The following EEFSEC variants were observed in gnomAD, a reference collection of about 807,000 sequenced individuals.
EEFSEC encodes selenocysteine-specific elongation factor.
EEFSEC carries 43 observed loss-of-function variants against 42.1 expected under a neutral mutation model. The observed-to-expected ratio is 1.02, with a 90% confidence interval of 0.80 to 1.32. EEFSEC has a LOEUF of 1.32. EEFSEC is among the 40% of genes most tolerant of loss of function. EEFSEC has a pLI of 0.00. For synonymous variants in EEFSEC, 354 were observed against 339.1 expected (o/e 1.04, Z -0.48); for missense variants, 745 against 803.6 (o/e 0.93, Z 0.88).
intron 4 of EEFSEC, among the ~76,000 whole-genome samples, chr3:128,331,792 C>G (rs1486309492): frequency 6.6e-6 from 1 of 152,082 alleles, no homozygotes; most frequent in Non-Finnish European, 1.5e-5. Context: ...ATTTAAAGGC[C>G]TGCAGCCTCA....
intron 6 of EEFSEC, among the ~76,000 whole-genome samples, chr3:128,368,326 G>A (rs531706354): frequency 7.2e-5 from 11 of 152,144 alleles, no homozygotes; most frequent in African/African-American, 1.2e-4. Flanking sequence ...CCAGCTACTC[G>A]GGAGGCTGAG....
At chr3:128,219,435 G>A (rs1042264678) in intron 1 of EEFSEC, among the ~76,000 whole-genome samples, 3 of 152,092 alleles carry the variant, frequency 2.0e-5, no homozygotes, top group Non-Finnish European at 4.4e-5. Flanking sequence ...CCCCCATTTG[G>A]CTTGCTGTCT....
intron 1 of EEFSEC, among the ~76,000 whole-genome samples, chr3:128,223,783 T>G (rs2065882904): frequency 6.6e-6 from 1 of 152,212 alleles, no homozygotes; most frequent in Non-Finnish European, 1.5e-5. Flanking sequence ...TGTGCCCATG[T>G]GCGTGCATGT....
At chr3:128,417,221 C>G in the EEFSEC span, among the ~76,000 whole-genome samples, 1 of 152,100 alleles carries the variant, frequency 6.6e-6, no homozygotes, top group Non-Finnish European at 1.5e-5. The surrounding 1 kb of genome is among the most constrained non-coding windows in gnomAD (Gnocchi z 4.3). Context: ...TGTTGTAAAC[C>G]CTCTCGCCCG....
At chr3:128,185,123 G>A (rs1457917047) in intron 1 of EEFSEC, among the ~76,000 whole-genome samples, 3 of 152,176 alleles carry the variant, frequency 2.0e-5, no homozygotes, top group Non-Finnish European at 4.4e-5. Context: ...GTTTTTTGGA[G>A]TTTGGATGCA....
chr3:128,175,402 G>C (rs1168952523), intron 1 of EEFSEC, among the ~76,000 whole-genome samples: 1 of 152,254 alleles, frequency 6.6e-6, no homozygotes, highest in Non-Finnish European at 1.5e-5. Context: ...CCAGCGTGCA[G>C]CAGTCCTACT....
At chr3:128,349,530 C>A (rs1421923122) in intron 5 of EEFSEC, among the ~76,000 whole-genome samples, 1 of 152,184 alleles carries the variant, frequency 6.6e-6, no homozygotes, top group African/African-American at 2.4e-5. Flanking sequence ...GTGCTTAGGA[C>A]AGTGAGTGCT....
At chr3:128,168,677 AG>A (rs1325644578) in intron 1 of EEFSEC, among the ~76,000 whole-genome samples, 1 of 152,248 alleles carries the variant, frequency 6.6e-6, no homozygotes, top group Non-Finnish European at 1.5e-5. Context: ...TCACAGTCAT[AG>A]GCCCCCTGGG....
intron 6 of EEFSEC, among the ~76,000 whole-genome samples, chr3:128,379,824 T>C (rs1016291557): frequency 5.3e-5 from 8 of 152,302 alleles, no homozygotes; most frequent in Middle Eastern, 3.4e-3. Flanking sequence ...CCAGATGAGG[T>C]TGGGTCCCGT....
At chr3:128,342,015 G>A (rs2067261418) in intron 5 of EEFSEC, 126 bp downstream of exon 5, 1 of 1,317,036 alleles carries the variant, frequency 7.6e-7, no homozygotes, top group Admixed American at 2.7e-5. Flanking sequence ...AACCTCTGTA[G>A]TTTCTGTACA....
intron 1 of EEFSEC, among the ~76,000 whole-genome samples, chr3:128,155,157 C>G (rs1672527226): frequency 6.6e-6 from 1 of 151,936 alleles, no homozygotes; most frequent in Non-Finnish European, 1.5e-5. Context: ...GCTCTGTTAC[C>G]AGGCTGGAGT....
intron 4 of EEFSEC, among the ~76,000 whole-genome samples, chr3:128,314,919 C>T (rs1290194447): frequency 3.9e-5 from 6 of 152,132 alleles, no homozygotes; most frequent in Admixed American, 3.9e-4. Flanking sequence ...TGGGGCAGAC[C>T]TGTAGCTGAG....
chr3:128,258,904 C>A (rs1368909388), intron 2 of EEFSEC, among the ~76,000 whole-genome samples: 1 of 152,156 alleles, frequency 6.6e-6, no homozygotes, highest in Non-Finnish European at 1.5e-5. Flanking sequence ...CTGCCTCCAA[C>A]CTAGGCTGAT....
intron 6 of EEFSEC, among the ~76,000 whole-genome samples, chr3:128,358,653 C>T (rs959110028): frequency 7.9e-5 from 12 of 152,130 alleles, no homozygotes; most frequent in African/African-American, 2.9e-4. Flanking sequence ...GCCTTGGGCC[C>T]GCACCTTGGT....
At chr3:128,321,122 A>C (rs889904015) in intron 4 of EEFSEC, among the ~76,000 whole-genome samples, 1 of 152,136 alleles carries the variant, frequency 6.6e-6, no homozygotes, top group African/African-American at 2.4e-5. Flanking sequence ...GCTGAGAGGC[A>C]GTGGAGCTTC....
chr3:128,326,935 T>C (rs988494540), intron 4 of EEFSEC, among the ~76,000 whole-genome samples: 1 of 152,186 alleles, frequency 6.6e-6, no homozygotes, highest in African/African-American at 2.4e-5. Flanking sequence ...TTCTATGCGC[T>C]GTGCTCACAG....
At chr3:128,230,153 T>G (rs773472073) in intron 1 of EEFSEC, among the ~76,000 whole-genome samples, 2 of 151,802 alleles carry the variant, frequency 1.3e-5, no homozygotes, top group Non-Finnish European at 2.9e-5. Flanking sequence ...TTCCTTTTCT[T>G]TATTTTCTTT....
At chr3:128,153,993 G>A in intron 1 of EEFSEC, 170 bp downstream of exon 1, 1 of 926,516 alleles carries the variant, frequency 1.1e-6, no homozygotes, top group Non-Finnish European at 1.5e-6. Flanking sequence ...TCCGCAGCAA[G>A]TGAGCGGAGG....
chr3:128,253,228 C>T (rs1014261403), intron 2 of EEFSEC, among the ~76,000 whole-genome samples: 2 of 152,230 alleles, frequency 1.3e-5, no homozygotes, highest in African/African-American at 2.4e-5. Context: ...TCCCCATGCA[C>T]GTTCCTACAA....
Sources: allele counts gnomAD v4.1 joint callset (sites outside exome capture counted in the v4.1 genomes callset), GRCh38; gene constraint gnomAD v4.1.1; non-coding constraint Gnocchi (gnomAD v3.1); transcripts MANE v1.5; gene names NCBI Gene and HGNC (gene_info 2026-07-23, HGNC 2026-07-21).